The following CSMD1 variants were observed in gnomAD, a reference collection of about 807,000 sequenced individuals.
The protein encoded by CSMD1 is CUB and Sushi multiple domains 1, also known as CUB and sushi domain-containing protein 1.
A neutral mutation model predicts 417.5 loss-of-function variants in CSMD1; 213 were observed. The ratio of observed to expected loss-of-function variants is 0.51; its 90% CI spans 0.46 to 0.57. CSMD1 has a LOEUF of 0.57. Ranked by LOEUF, CSMD1 falls within the 20% of genes least tolerant of loss-of-function variation. The pLI is 0.00. For synonymous variants in CSMD1, 2,862 were observed against 1,736.8 expected (o/e 1.65, Z -16.11); for missense variants, 6,923 against 4,529.7 (o/e 1.53, Z -15.17).
intron 54 of CSMD1, among the ~76,000 whole-genome samples, chr8:2,985,138 T>C (rs1805772501): frequency 6.6e-6 from 1 of 152,220 alleles, no homozygotes; most frequent in Non-Finnish European, 1.5e-5. Flanking sequence ...ACAATTTTTA[T>C]GTCACAAAAA....
rs562591575 is a variant in CSMD1 at position 3,583,917 on chromosome 8, G to C, written c.1222+2219C>G. On this transcript the variant is annotated intron_variant, in intron 9 of 69. Transcript: ENST00000635120. ...GATAGATAAGGAGCATTGTCCCTCTGAAGTGTCAGCAGGAGTCCAAGATGG... is the reference window on the plus strand; with the variant it reads ...GATAGATAAGGAGCATTGTCCCTCTCAAGTGTCAGCAGGAGTCCAAGATGG... Among the ~76,000 whole-genome samples the C allele has an allele frequency of 2.0e-5, 3 of 151,598 alleles. No homozygotes were observed. The South Asian group carries it at 6.3e-4, about 32-fold the overall frequency.
At chr8:4,091,812 C>A (rs936406540) in intron 3 of CSMD1, among the ~76,000 whole-genome samples, 2 of 152,080 alleles carry the variant, frequency 1.3e-5, no homozygotes, top group African/African-American at 2.4e-5. Context: ...CTGGAAGAGG[C>A]CTTATCCTTA....
At chr8:4,776,289 T>C (rs1242551782) in intron 1 of CSMD1, among the ~76,000 whole-genome samples, 1 of 152,166 alleles carries the variant, frequency 6.6e-6, no homozygotes, top group Non-Finnish European at 1.5e-5. Flanking sequence ...ACTAGCAGCA[T>C]GTATATAATA....
At chr8:3,040,600 C>G (rs1381375518) in intron 50 of CSMD1, among the ~76,000 whole-genome samples, 1 of 151,670 alleles carries the variant, frequency 6.6e-6, no homozygotes, top group Non-Finnish European at 1.5e-5. Flanking sequence ...GTCAGGAGTT[C>G]AGGACCAGCC....
Position 4,604,739 on chromosome 8 carries a change from C to A in CSMD1, c.302+32603G>T, listed in dbSNP as rs113352976. Among the ~76,000 whole-genome samples the A allele has an allele frequency of 7.3e-3, 1,112 of 152,210 alleles. 18 individuals carry two copies. The highest frequency in any genetic ancestry group is 0.026 in the African/African-American group (1,076 of 41,510). On this transcript the variant is annotated intron_variant, in intron 2 of 69. Coordinates refer to ENST00000635120, the MANE Select transcript of CSMD1 (RefSeq NM_033225.6). The stretch of plus-strand genomic sequence containing the variant: ...TGGGCTTAATGGTAACATTTATGCA[C>A]AAAATATTGTTTGCAGTTAATTTTG...
chr8:3,305,787 C>A (rs988567566), intron 25 of CSMD1, among the ~76,000 whole-genome samples: 1 of 152,206 alleles, frequency 6.6e-6, no homozygotes, highest in Non-Finnish European at 1.5e-5. Flanking sequence ...TCACACCATT[C>A]TCCTGCCTCA....
At chr8:3,582,145 G>A (rs1398900653) in intron 9 of CSMD1, among the ~76,000 whole-genome samples, 2 of 152,190 alleles carry the variant, frequency 1.3e-5, no homozygotes, top group Non-Finnish European at 2.9e-5. Flanking sequence ...AGTGACAAAT[G>A]AACTTGGAAA....
intron 41 of CSMD1, 61 bp from the exon 42 acceptor site, chr8:3,118,648 T>A: frequency 6.7e-7 from 1 of 1,481,766 alleles, no homozygotes; most frequent in Non-Finnish European, 9.3e-7. Context: ...ACTTCGGAAT[T>A]TGCAGGAGTG....
chr8:3,419,213 G>A (rs1301942219), intron 12 of CSMD1, among the ~76,000 whole-genome samples: 2 of 152,142 alleles, frequency 1.3e-5, no homozygotes, highest in Non-Finnish European at 2.9e-5. Context: ...GCACCTAAGT[G>A]GTCATCCTCA....
intron 1 of CSMD1, among the ~76,000 whole-genome samples, chr8:4,764,039 C>T (rs1163930801): frequency 6.6e-6 from 1 of 152,132 alleles, no homozygotes; most frequent in Non-Finnish European, 1.5e-5. Context: ...GCTAGATGCC[C>T]ATGAATTACG....
At position 4,771,077 on chromosome 8, in the gene CSMD1, C is replaced by G. The variant is rs576348231; in HGVS notation, c.86-133519G>C. ...ATATATCAGATAAGGAGTTAATATT[C>G]AAGATTTGTAAATAACTCATAGCAC... On this transcript the variant is annotated intron_variant, in intron 1 of 69. Coordinates refer to ENST00000635120, the MANE Select transcript of CSMD1 (RefSeq NM_033225.6). Among the ~76,000 whole-genome samples the G allele has an allele frequency of 7.9e-5, 12 of 152,224 alleles. No homozygotes were observed. In the East Asian group the frequency reaches 2.3e-3, roughly 29 times the overall value.
At chr8:3,899,751 G>C (rs1807605831) in intron 5 of CSMD1, among the ~76,000 whole-genome samples, 1 of 152,140 alleles carries the variant, frequency 6.6e-6, no homozygotes, top group African/African-American at 2.4e-5. Flanking sequence ...TGGAAGGGCT[G>C]TATGACCAGC....
chr8:4,799,598 C>CAAAAAAAAAAAAAAA (rs1168273531), intron 1 of CSMD1, among the ~76,000 whole-genome samples: 4 of 47,152 alleles, frequency 8.5e-5, no homozygotes, highest in South Asian at 1.6e-3. Context: ...GACTCCGTCT[C>CAAAAAAAAAAAAAAA]AAAAAAAAAA....
chr8:4,461,312 TCA>T (rs2129948093), intron 2 of CSMD1, among the ~76,000 whole-genome samples: 1 of 152,040 alleles, frequency 6.6e-6, no homozygotes, highest in East Asian at 1.9e-4. Context: ...CTGCCTAAAA[TCA>T]GCAATAAGAC....
intron 3 of CSMD1, among the ~76,000 whole-genome samples, chr8:4,256,932 T>C (rs555490416): frequency 2.0e-4 from 30 of 152,290 alleles, no homozygotes; most frequent in African/African-American, 7.0e-4. Context: ...CCTTCCGCTT[T>C]CCCTCCGTGG....
intron 1 of CSMD1, among the ~76,000 whole-genome samples, chr8:4,834,394 A>G (rs899072078): frequency 1.3e-5 from 2 of 152,216 alleles, no homozygotes; most frequent in Non-Finnish European, 2.9e-5. Flanking sequence ...TAAGCAATAT[A>G]GCTCTAAGTC....
At chr8:3,409,644 A>G in intron 12 of CSMD1, 39 bp from the exon 13 acceptor site, 1 of 1,472,022 alleles carries the variant, frequency 6.8e-7, no homozygotes, top group Non-Finnish European at 9.2e-7. Flanking sequence ...AAAAAAACAC[A>G]CACAAGGAAT....
chr8:2,955,545 C>T (rs1292956353), intron 64 of CSMD1, 44 bp downstream of exon 64: 3 of 1,600,252 alleles, frequency 1.9e-6, no homozygotes, highest in South Asian at 2.2e-5. Context: ...GATCCTTTCC[C>T]TTGCTCTTTG....
intron 2 of CSMD1, among the ~76,000 whole-genome samples, chr8:4,520,385 A>G (rs1803377387): frequency 6.6e-6 from 1 of 152,302 alleles, no homozygotes; most frequent in African/African-American, 2.4e-5. Context: ...ACTTTTCTTC[A>G]TATAATGTTG....
Sources: allele counts gnomAD v4.1 joint callset (sites outside exome capture counted in the v4.1 genomes callset), GRCh38; gene constraint gnomAD v4.1.1; transcripts MANE v1.5; gene names NCBI Gene and HGNC (gene_info 2026-07-23, HGNC 2026-07-21).